The following TBC1D1 variants were observed in gnomAD, a reference collection of about 807,000 sequenced individuals.
TBC1D1 encodes the protein TBC1 domain family member 1.
A neutral mutation model predicts 125.6 loss-of-function variants in TBC1D1; 89 were observed. The ratio of observed to expected loss-of-function variants is 0.71; its 90% confidence interval spans 0.60 to 0.85. TBC1D1 has a LOEUF of 0.85. TBC1D1 is among the 40% of genes least tolerant of loss of function. TBC1D1 has a pLI of 0.00. For synonymous variants in TBC1D1, 565 were observed against 564.1 expected, an observed-to-expected ratio of 1.00 and a Z score of -0.02; for missense variants, 1,377 against 1,469.2, an observed-to-expected ratio of 0.94 and a Z score of 1.03.
intron 2 of TBC1D1, among the ~76,000 whole-genome samples, chr4:37,944,738 C>T (rs1726303735): frequency 6.6e-6 from 1 of 152,176 alleles, no homozygotes; most frequent in African/African-American, 2.4e-5. Context: ...TCTGTTACGG[C>T]TTACCTTGGC....
Position 38,115,741 on chromosome 4 carries a change from T to C in TBC1D1, c.2589T>C (p.Ser863=). Residue 863 remains serine, a synonymous_variant, in exon 16 of 20, where the codon TCT becomes TCC. Coordinates refer to ENST00000261439, the MANE Select transcript of TBC1D1 (RefSeq NM_015173.4). ...CCTTTCCTACACACCCATACTTCTC[T>C]GCCCAGCTTGGAGCAGGACAGCTAT... is the stretch of plus-strand genomic sequence containing the variant. The C allele has an allele frequency of 6.2e-7, 1 of 1,614,114 alleles. No homozygotes were observed. Among genetic ancestry groups the C allele is most frequent in the Non-Finnish European group, 8.5e-7 (1 of 1,179,962 alleles).
chr4:38,101,301 C>T (rs1209543037), intron 14 of TBC1D1, among the ~76,000 whole-genome samples: 1 of 152,176 alleles, frequency 6.6e-6, no homozygotes, highest in Admixed American at 6.5e-5. Flanking sequence ...CAATGCCTAA[C>T]TTGGAGGCTT....
Position 38,115,825 on chromosome 4 carries a change from A to G in TBC1D1, c.2673A>G (p.Gln891=). The G allele has an allele frequency of 1.9e-6, 3 of 1,614,224 alleles. No individual in the cohort carries two copies. The highest frequency in any genetic ancestry group is 2.5e-6 in the Non-Finnish European group (3 of 1,180,036). ...TAGACCAGGAAGTGGGATATTGCCAAGGTCTCAGCTTTGTAGCAGGCATTT... is the reference window on the plus strand; with the variant it reads ...TAGACCAGGAAGTGGGATATTGCCAGGGTCTCAGCTTTGTAGCAGGCATTT... Residue 891 remains glutamine, a synonymous_variant, in exon 16 of 20, where the codon CAA becomes CAG. Transcript: ENST00000261439.
At chr4:38,062,365 C>G (rs1475410858) in intron 12 of TBC1D1, among the ~76,000 whole-genome samples, 8 of 150,992 alleles carry the variant, frequency 5.3e-5, no homozygotes, top group African/African-American at 2.0e-4. Context: ...GAGCTACTTT[C>G]TGAAATCTAG....
chr4:38,043,430 T>C (rs1748783450), intron 8 of TBC1D1, among the ~76,000 whole-genome samples: 1 of 151,780 alleles, frequency 6.6e-6, no homozygotes, highest in African/African-American at 2.4e-5. Context: ...AAACCCCGTC[T>C]CTACAAAAAC....
Position 38,094,933 on chromosome 4 carries a change from A to T in TBC1D1, c.2237-996A>T, listed in dbSNP as rs538902096. Among the ~76,000 whole-genome samples the T allele has an allele frequency of 2.9e-4, 44 of 152,164 alleles. No homozygotes were observed. In the East Asian group the frequency reaches 3.9e-3, roughly 13 times the overall value. ...GGTTGACATTTTTAAAAATTTTTTT[A>T]AAAAACATTTTTCTTGGTTAAATAA... On this transcript the variant is annotated intron_variant, in intron 13 of 19. Coordinates refer to ENST00000261439, the MANE Select transcript of TBC1D1 (RefSeq NM_015173.4).
intron 12 of TBC1D1, among the ~76,000 whole-genome samples, chr4:38,084,894 T>A (rs1757209235): frequency 6.6e-6 from 1 of 152,166 alleles, no homozygotes; most frequent in Admixed American, 6.5e-5. Context: ...AACATGTGAT[T>A]TAATGTCGTG....
At chr4:38,077,337 G>A (rs139451053) in intron 12 of TBC1D1, among the ~76,000 whole-genome samples, 4 of 152,318 alleles carry the variant, frequency 2.6e-5, no homozygotes, top group East Asian at 1.9e-4. Flanking sequence ...GAAATGCTGC[G>A]TCTACTAAGT....
intron 2 of TBC1D1, among the ~76,000 whole-genome samples, chr4:37,931,097 T>TTTTG (rs58653315): frequency 0.62 from 93,969 of 150,488 alleles, 30,072 homozygotes; most frequent in East Asian, 0.86. Context: ...GTTTTTGTTG[T>TTTTG]TTTGTTTGTT....
intron 9 of TBC1D1, among the ~76,000 whole-genome samples, chr4:38,045,098 T>G (rs1749143849): frequency 6.6e-6 from 1 of 152,206 alleles, no homozygotes; most frequent in South Asian, 2.1e-4. Context: ...TATAGCTCTA[T>G]AGAAAGAACA....
chr4:37,910,497 A>C (rs1180392852), intron 2 of TBC1D1, among the ~76,000 whole-genome samples: 2 of 152,254 alleles, frequency 1.3e-5, no homozygotes, highest in Non-Finnish European at 2.9e-5. Context: ...CATGACTAAA[A>C]TTAATTTTAC....
chr4:38,032,816 G>A (rs1746423244), intron 7 of TBC1D1, among the ~76,000 whole-genome samples: 1 of 149,834 alleles, frequency 6.7e-6, no homozygotes, highest in Admixed American at 6.6e-5. Flanking sequence ...GCTCCAGCCT[G>A]GGTGAAAGAG....
intron 12 of TBC1D1, among the ~76,000 whole-genome samples, chr4:38,065,710 A>G (rs997455916): frequency 6.9e-6 from 1 of 145,770 alleles, no homozygotes; most frequent in African/African-American, 2.6e-5. Flanking sequence ...CAGTGGCACG[A>G]TCTTGGCTCA....
chr4:38,037,336 C>G (rs1747415829), intron 8 of TBC1D1, among the ~76,000 whole-genome samples: 1 of 151,412 alleles, frequency 6.6e-6, no homozygotes. Context: ...GCCTTACAAG[C>G]AGAACTGGCA....
rs6858011 is a variant in TBC1D1 at position 37,993,334 on chromosome 4, A to G, written c.418-21175A>G. On this transcript the variant is annotated intron_variant, in intron 2 of 19. Coordinates refer to ENST00000261439, the MANE Select transcript of TBC1D1 (RefSeq NM_015173.4). ...ACATTCTAAAGGAGAGAATTACATT[A>G]GTAAGATTTCATTACCCTGCGCCTC... 4.6e-3 allele frequency among the ~76,000 whole-genome samples: 708 copies of G among 152,314 alleles called. 3 individuals carry two copies. Among genetic ancestry groups the G allele is most frequent in the African/African-American group, 0.016 (681 of 41,576 alleles).
intron 17 of TBC1D1, chr4:38,118,416 T>C (rs1763323606): frequency 1.8e-6 from 1 of 566,618 alleles, no homozygotes; most frequent in South Asian, 2.1e-5. Flanking sequence ...TCTTGTGGGA[T>C]GTGGATCCGA....
intron 2 of TBC1D1, among the ~76,000 whole-genome samples, chr4:37,987,559 A>C (rs1325103398): frequency 6.6e-6 from 1 of 152,226 alleles, no homozygotes; most frequent in African/African-American, 2.4e-5. Context: ...CATTCAACTA[A>C]TCTGCTTTTA....
chr4:38,103,380 A>C (rs1331565730), intron 15 of TBC1D1, among the ~76,000 whole-genome samples: 2 of 152,212 alleles, frequency 1.3e-5, no homozygotes, highest in African/African-American at 2.4e-5. Flanking sequence ...TTTGCTTGGC[A>C]TGGAGGGAGG....
At chr4:37,938,461 AC>A (rs1724854189) in intron 2 of TBC1D1, among the ~76,000 whole-genome samples, 1 of 152,156 alleles carries the variant, frequency 6.6e-6, no homozygotes, top group Non-Finnish European at 1.5e-5. Context: ...TTGATAGGAG[AC>A]AGTTTTGCAC....
Sources: allele counts gnomAD v4.1 joint callset (sites outside exome capture counted in the v4.1 genomes callset), GRCh38; gene constraint gnomAD v4.1.1; transcripts MANE v1.5; gene names NCBI Gene and HGNC (gene_info 2026-07-23, HGNC 2026-07-21).